DAB1: variants seen among roughly 807,000 people sequenced by gnomAD.
The protein encoded by DAB1 is disabled homolog 1.
Under a neutral mutation model 64.6 loss-of-function variants are expected in DAB1, and 15 were observed. The observed-to-expected ratio is 0.23, with a 90% CI of 0.16 to 0.36. The LOEUF is 0.36. Among genes scored for constraint, DAB1 ranks in the 10% least tolerant of loss-of-function variants. The pLI, the probability that DAB1 is intolerant of heterozygous loss-of-function variation, is 1.00. For missense variants in DAB1, 596 were observed against 706.7 expected (o/e 0.84, Z 1.78); for synonymous variants, 235 against 251.9 (o/e 0.93, Z 0.64).
At chr1:57,198,490 C>T (rs1266018297) in intron 2 of DAB1, among the ~76,000 whole-genome samples, 7 of 152,164 alleles carry the variant, frequency 4.6e-5, no homozygotes. Context: ...TCACCACTCT[C>T]ACTATATTCC....
chr1:57,272,831 G>A (rs2100596112), intron 2 of DAB1, among the ~76,000 whole-genome samples: 1 of 152,278 alleles, frequency 6.6e-6, no homozygotes, highest in South Asian at 2.1e-4. Context: ...CAGTGGGTTG[G>A]GTGTGGGGCG....
At chr1:58,262,605 AC>A (rs1185654756) in intron 4 of DAB1, among the ~76,000 whole-genome samples, 1 of 151,892 alleles carries the variant, frequency 6.6e-6, no homozygotes, top group Non-Finnish European at 1.5e-5. Flanking sequence ...AAAAACAAAA[AC>A]CTCAGTTTCC....
At chr1:58,419,791 G>C (rs370484132) in intron 3 of DAB1, among the ~76,000 whole-genome samples, 2 of 152,176 alleles carry the variant, frequency 1.3e-5, no homozygotes, top group African/African-American at 4.8e-5. Flanking sequence ...TTCTGTATTC[G>C]TAGCCACTGT....
chr1:57,227,464 T>G (rs903307552), intron 2 of DAB1, among the ~76,000 whole-genome samples: 7 of 151,484 alleles, frequency 4.6e-5, no homozygotes, highest in South Asian at 2.1e-4. Flanking sequence ...GGTAAATAGA[T>G]AAGGAGCAAC....
At chr1:58,160,402 G>A (rs1655472402) in intron 4 of DAB1, among the ~76,000 whole-genome samples, 1 of 152,172 alleles carries the variant, frequency 6.6e-6, no homozygotes, top group African/African-American at 2.4e-5. Flanking sequence ...ATAGTTAGAG[G>A]AGCTGAGGAT....
At chr1:57,904,544 A>G (rs991146218) in intron 5 of DAB1, among the ~76,000 whole-genome samples, 1 of 152,222 alleles carries the variant, frequency 6.6e-6, no homozygotes, top group Non-Finnish European at 1.5e-5. Context: ...TGGAAAATAA[A>G]GAGGAAGAGT....
At chr1:57,371,158 G>A (rs1051450259) in intron 1 of DAB1, among the ~76,000 whole-genome samples, 1 of 152,220 alleles carries the variant, frequency 6.6e-6, no homozygotes, top group Admixed American at 6.5e-5. Flanking sequence ...TCTCACTAGT[G>A]TGGATTCAGA....
Position 58,254,093 on chromosome 1 carries a change from ACACATTCAC to A in DAB1, n.309+89250_309+89258del, listed in dbSNP as rs1660867610. On this transcript the variant is annotated intron_variant and non_coding_transcript_variant, in intron 4 of 20. Transcript: ENST00000485760. Reference sequence around the variant, plus strand: ...CACAGAGGAGGCAGGACCACCCTGCACACATTCACCACATTCACTTCAGATCCACACTCA... The same window carrying A: ...CACAGAGGAGGCAGGACCACCCTGCACACATTCACTTCAGATCCACACTCA... Among the ~76,000 whole-genome samples the A allele has an allele frequency of 2.0e-5, 3 of 152,142 alleles. No homozygotes were observed. In the South Asian group the frequency reaches 6.2e-4, roughly 32 times the overall value.
chr1:57,374,628 A>T (rs947314900), intron 1 of DAB1, among the ~76,000 whole-genome samples: 1 of 152,128 alleles, frequency 6.6e-6, no homozygotes, highest in South Asian at 2.1e-4. Context: ...TTCTTTCTTC[A>T]TCTCCTGCCC....
intron 3 of DAB1, among the ~76,000 whole-genome samples, chr1:58,445,992 C>A (rs1645061540): frequency 6.6e-6 from 1 of 152,138 alleles, no homozygotes; most frequent in Non-Finnish European, 1.5e-5. Context: ...TTCTGATTTG[C>A]CCAGGACTGT....
intron 4 of DAB1, among the ~76,000 whole-genome samples, chr1:58,181,310 T>C (rs899698267): frequency 6.6e-6 from 1 of 152,164 alleles, no homozygotes; most frequent in African/African-American, 2.4e-5. Flanking sequence ...TTTTCCATTA[T>C]TTTACTTTTC....
intron 4 of DAB1, among the ~76,000 whole-genome samples, chr1:57,104,590 G>T (rs1243609677): frequency 6.6e-6 from 1 of 152,142 alleles, no homozygotes; most frequent in African/African-American, 2.4e-5. Flanking sequence ...TGTATTTCAG[G>T]CTGGAACTTT....
At chr1:58,325,507 A>C (rs1662800319) in intron 4 of DAB1, among the ~76,000 whole-genome samples, 1 of 152,196 alleles carries the variant, frequency 6.6e-6, no homozygotes, top group Non-Finnish European at 1.5e-5. Context: ...ATAGTACAGA[A>C]ATTAGCAGCA....
intron 4 of DAB1, among the ~76,000 whole-genome samples, chr1:57,127,941 A>T (rs1657285251): frequency 1.3e-5 from 2 of 152,100 alleles, no homozygotes; most frequent in South Asian, 4.1e-4. Flanking sequence ...TGAGGTCAGG[A>T]GTTCGAGACC....
In DAB1 at chr1:58,081,202, A is replaced by G. The variant is rs2100592434; in HGVS notation, n.387+69309T>C. On this transcript the variant is annotated intron_variant and non_coding_transcript_variant, in intron 5 of 20. Transcript: ENST00000485760. The stretch of plus-strand genomic sequence containing the variant: ...TATGAGGTTTGTATGACCCTAAAAA[A>G]GTGTTCATTTTACTTTACTGAGCTT... Among the ~76,000 whole-genome samples the G allele has an allele frequency of 2.6e-5, 4 of 152,344 alleles. No individual in the cohort carries two copies. In the Middle Eastern group the frequency reaches 0.01, roughly 389 times the overall value.
At chr1:57,974,077 T>C (rs1207099938) in intron 5 of DAB1, among the ~76,000 whole-genome samples, 1 of 152,136 alleles carries the variant, frequency 6.6e-6, no homozygotes, top group African/African-American at 2.4e-5. Context: ...ACTAGCCTTC[T>C]TTCTGCTCAT....
intron 7 of DAB1, among the ~76,000 whole-genome samples, chr1:57,620,846 A>G (rs191675942): frequency 4.7e-4 from 71 of 152,314 alleles, no homozygotes; most frequent in African/African-American, 1.5e-3. Context: ...GCCCTAAATC[A>G]TTAGCAGCAA....
intron 4 of DAB1, among the ~76,000 whole-genome samples, chr1:58,222,420 T>A (rs1659223904): frequency 6.6e-6 from 1 of 152,212 alleles, no homozygotes; most frequent in Non-Finnish European, 1.5e-5. Flanking sequence ...CCAATTCACT[T>A]CCTGGGCACT....
intron 2 of DAB1, among the ~76,000 whole-genome samples, chr1:57,183,429 C>A (rs1487730128): frequency 6.6e-6 from 1 of 152,114 alleles, no homozygotes; most frequent in Non-Finnish European, 1.5e-5. Context: ...AGGAAAGAAG[C>A]AACAGTTGCC....
Sources: gnomAD v4.1 joint callset for allele counts (sites outside exome capture counted in the v4.1 genomes callset) on GRCh38, gnomAD v4.1.1 for gene constraint, MANE v1.5 for transcripts, NCBI Gene and HGNC (gene_info 2026-07-23, HGNC 2026-07-21) for gene names.